Variants in COA1 observed in about 807,000 individuals in gnomAD.
The protein encoded by COA1 is cytochrome c oxidase assembly factor 1 homolog.
Under a neutral mutation model 16.0 loss-of-function variants are expected in COA1, and 13 were observed. The ratio of observed to expected loss-of-function variants is 0.81; its 90% CI spans 0.53 to 1.29. The LOEUF (loss-of-function observed/expected upper bound fraction) is 1.29, where lower values mean the gene tolerates loss of function less well. Ranked by LOEUF, COA1 falls within the 50% of genes most tolerant of loss-of-function variation. COA1 has a pLI of 0.00. For synonymous variants in COA1, 65 were observed against 65.7 expected (o/e 0.99, Z 0.05); for missense variants, 179 against 177.0 (o/e 1.01, Z -0.06).
intron 6 of COA1, among the ~76,000 whole-genome samples, chr7:43,614,402 T>C (rs1177310247): frequency 6.6e-6 from 1 of 152,244 alleles, no homozygotes; most frequent in Non-Finnish European, 1.5e-5. Context: ...AACTTCTTTA[T>C]AATGAACTGG....
chr7:43,633,994 C>G (rs1007271794), intron 6 of COA1, among the ~76,000 whole-genome samples: 25 of 152,158 alleles, frequency 1.6e-4, no homozygotes, highest in Admixed American at 3.3e-4. Flanking sequence ...CTGTTTAACC[C>G]ATCCAGTGAG....
chr7:43,612,361 A>G (rs530678319), intron 6 of COA1, among the ~76,000 whole-genome samples: 25 of 152,328 alleles, frequency 1.6e-4, no homozygotes, highest in African/African-American at 4.6e-4. Context: ...CTAAAAGGTC[A>G]TTTCCAATTG....
At chr7:43,636,450 T>C (rs1275691846), downstream of COA1, among the ~76,000 whole-genome samples, 3 of 152,194 alleles carry the variant, frequency 2.0e-5, no homozygotes, top group African/African-American at 4.8e-5. Context: ...TAAATATTTA[T>C]TCATATTTTT....
chr7:43,641,270 A>G (rs180958767), intron 4 of COA1, among the ~76,000 whole-genome samples: 1 of 150,272 alleles, frequency 6.7e-6, no homozygotes, highest in Admixed American at 6.7e-5. Flanking sequence ...AACTCATCAG[A>G]TAGGACGCTT....
At chr7:43,724,200 A>C (rs1032796252) in intron 1 of COA1, among the ~76,000 whole-genome samples, 3 of 152,154 alleles carry the variant, frequency 2.0e-5, no homozygotes, top group African/African-American at 7.2e-5. Flanking sequence ...TCCTCAAAAA[A>C]ATCAACAGAA....
intron 1 of COA1, among the ~76,000 whole-genome samples, chr7:43,694,176 T>C (rs968147634): frequency 2.7e-5 from 4 of 146,522 alleles, no homozygotes; most frequent in African/African-American, 1.0e-4. Flanking sequence ...TTCCAGCAAT[T>C]CTCCCATCTC....
chr7:43,636,556 T>A (rs2085911169), downstream of COA1, among the ~76,000 whole-genome samples: 1 of 152,216 alleles, frequency 6.6e-6, no homozygotes, highest in South Asian at 2.1e-4. Flanking sequence ...TGCCGCTTCT[T>A]GAGCATTTCC....
In COA1 at chr7:43,623,895, A is replaced by G. The variant is rs146014869; in HGVS notation, c.*134-14400T>C. 245 of 1,479,366 alleles carry G rather than the reference A, an allele frequency of 1.7e-4. No individual in the cohort carries two copies. In the African/African-American group the frequency reaches 3.3e-3, roughly 20 times the overall value. The allele number at this position is 1,479,366 out of a possible 1,614,324, so 91.6% of individuals were successfully genotyped here. A position where few individuals can be genotyped will look rare whatever the true frequency, so the allele number is the denominator to read the frequency against. On this transcript the variant is annotated intron_variant and NMD_transcript_variant, in intron 6 of 6. Transcript: ENST00000415076. ...TTTTAGTTAAGAAACCTGAGTAAGTATTATTTTTATTAGTTTAATATTGAA... is the reference window on the plus strand; with the variant it reads ...TTTTAGTTAAGAAACCTGAGTAAGTGTTATTTTTATTAGTTTAATATTGAA...
rs536618000 is a variant in COA1, at chr7:43,722,152, G to A, written c.-39+7277C>T. 1.0e-3 allele frequency among the ~76,000 whole-genome samples: 150 copies of A among 149,144 alleles called. 1 individual carries two copies. The highest frequency in any genetic ancestry group is 3.5e-3 in the African/African-American group (140 of 40,382). On this transcript the variant is annotated intron_variant, in intron 1 of 5. Coordinates refer to ENST00000223336, the MANE Select transcript of COA1 (RefSeq NM_018224.4). The stretch of plus-strand genomic sequence containing the variant: ...GTCACTCAGGCTGGAGTGCAGTGGC[G>A]CCACTGCAACTCACTACAGCCTCGA...
intron 1 of COA1, among the ~76,000 whole-genome samples, chr7:43,658,384 A>G (rs2092040256): frequency 6.6e-6 from 1 of 152,210 alleles, no homozygotes; most frequent in South Asian, 2.1e-4. Flanking sequence ...CACTGAAAAG[A>G]AATTAGCTCA....
intron 6 of COA1, among the ~76,000 whole-genome samples, chr7:43,617,940 T>C (rs1334851582): frequency 6.6e-6 from 1 of 151,904 alleles, no homozygotes; most frequent in African/African-American, 2.4e-5. Context: ...AGATAACATA[T>C]AAACAAGGAA....
chr7:43,723,331 C>T (rs538513973), intron 1 of COA1, among the ~76,000 whole-genome samples: 1 of 152,102 alleles, frequency 6.6e-6, no homozygotes, highest in Non-Finnish European at 1.5e-5. Context: ...GCAGTTCCAA[C>T]AACAGGAGAA....
At chr7:43,712,581 G>A (rs2095285089) in intron 1 of COA1, among the ~76,000 whole-genome samples, 1 of 152,176 alleles carries the variant, frequency 6.6e-6, no homozygotes, top group African/African-American at 2.4e-5. Context: ...CTAATGATGG[G>A]CCCCAGTGTG....
At chr7:43,624,976 A>G (rs1037490573) in intron 6 of COA1, 5 of 853,016 alleles carry the variant, frequency 5.9e-6, no homozygotes, top group African/African-American at 1.7e-5. Context: ...TAACTTTGTC[A>G]AATTTGTGGA....
downstream of COA1, among the ~76,000 whole-genome samples, chr7:43,634,281 G>A (rs1309088255): frequency 2.6e-5 from 4 of 152,118 alleles, no homozygotes; most frequent in Non-Finnish European, 5.9e-5. Flanking sequence ...GCCCATTTGG[G>A]TTTGAGACGC....
chr7:43,681,206 T>G (rs2093756010), intron 1 of COA1, among the ~76,000 whole-genome samples: 1 of 152,198 alleles, frequency 6.6e-6, no homozygotes, highest in African/African-American at 2.4e-5. Context: ...TTGACTCCAT[T>G]TTCTGCAGGA....
intron 6 of COA1, among the ~76,000 whole-genome samples, chr7:43,630,799 A>G (rs375442562): frequency 1.1e-3 from 169 of 152,312 alleles, no homozygotes; most frequent in African/African-American, 4.0e-3. Flanking sequence ...CACATTTGAG[A>G]TATGGAACTG....
chr7:43,624,497 G>T, intron 6 of COA1: 1 of 1,584,058 alleles, frequency 6.3e-7, no homozygotes, highest in Non-Finnish European at 8.6e-7. Context: ...TGTCTTAACT[G>T]TAAAACATGT....
intron 6 of COA1, chr7:43,623,445 A>G: frequency 1.4e-6 from 1 of 721,364 alleles, no homozygotes; most frequent in Non-Finnish European, 2.3e-6. Flanking sequence ...ATTTATGGTA[A>G]CCTTTCATTT....
Sources: gnomAD v4.1 joint callset for allele counts (sites outside exome capture counted in the v4.1 genomes callset) on GRCh38, gnomAD v4.1.1 for gene constraint, MANE v1.5 for transcripts, NCBI Gene and HGNC (gene_info 2026-07-23, HGNC 2026-07-21) for gene names.